The following CX3CR1 variants were observed in gnomAD, a reference collection of about 807,000 sequenced individuals.
The protein encoded by CX3CR1 is C-X3-C motif chemokine receptor 1.
For missense variants in CX3CR1, 363 were observed against 432.4 expected, an observed-to-expected ratio of 0.84 and a Z score of 1.42; for synonymous variants, 168 against 178.5, an observed-to-expected ratio of 0.94 and a Z score of 0.47.
At chr3:39,274,385 A>G (rs182269618) in intron 1 of CX3CR1, among the ~76,000 whole-genome samples, 1 of 151,542 alleles carries the variant, frequency 6.6e-6, no homozygotes, top group East Asian at 1.9e-4. Flanking sequence ...ATCTATTCCT[A>G]TAGCAATGAG....
At chr3:39,283,800 TA>T (rs1559371963), upstream of CX3CR1, among the ~76,000 whole-genome samples, 66 of 30,614 alleles carry the variant, frequency 2.2e-3, 1 homozygote, top group African/African-American at 9.0e-3. Context: ...AAAAATTATA[TA>T]TATATATATA....
intron 1 of CX3CR1, among the ~76,000 whole-genome samples, chr3:39,271,390 A>C (rs1210889177): frequency 6.6e-6 from 1 of 152,190 alleles, no homozygotes; most frequent in African/African-American, 2.4e-5. Flanking sequence ...TTAATAAATA[A>C]GTGAATGAAA....
At chr3:39,281,363 T>C, upstream of CX3CR1, 1 of 705,600 alleles carries the variant, frequency 1.4e-6, no homozygotes, top group South Asian at 2.2e-5. Context: ...TCCACTCAGC[T>C]GGGCTGGCTG....
chr3:39,267,872 G>C (rs1298344373), intron 1 of CX3CR1, among the ~76,000 whole-genome samples: 1 of 152,250 alleles, frequency 6.6e-6, no homozygotes, highest in Non-Finnish European at 1.5e-5. Context: ...TTCGCAGCCA[G>C]GACTTGCTGC....
upstream of CX3CR1, chr3:39,281,802 C>G (rs2040903350): frequency 3.6e-6 from 3 of 832,882 alleles, no homozygotes; most frequent in Non-Finnish European, 5.9e-6. Context: ...GTGGCAGGCT[C>G]TCTTCCCTTC....
the CX3CR1 span, among the ~76,000 whole-genome samples, chr3:39,289,079 G>C: frequency 3.3e-5 from 5 of 152,000 alleles, no homozygotes; most frequent in African/African-American, 1.2e-4. Flanking sequence ...ACTTGAACCC[G>C]GGAGGTGGAG....
At chr3:39,269,491 A>T (rs1194685732) in intron 1 of CX3CR1, among the ~76,000 whole-genome samples, 1 of 152,258 alleles carries the variant, frequency 6.6e-6, no homozygotes, top group Non-Finnish European at 1.5e-5. Context: ...GAAAATTCAC[A>T]TAAAGACTTT....
At chr3:39,285,917 A>G (rs1456345158), upstream of CX3CR1, 3 of 152,226 alleles carry the variant, frequency 2.0e-5, no homozygotes, top group African/African-American at 7.2e-5. Flanking sequence ...GGAAAATAAT[A>G]GTTGTCTCTC....
chr3:39,272,580 C>T (rs1035843303), intron 1 of CX3CR1, among the ~76,000 whole-genome samples: 2 of 152,176 alleles, frequency 1.3e-5, no homozygotes, highest in Non-Finnish European at 2.9e-5. Context: ...TGCTTTCTCC[C>T]TCTCTTTTGG....
chr3:39,275,572 T>C (rs1019529380), intron 1 of CX3CR1, among the ~76,000 whole-genome samples: 2 of 152,248 alleles, frequency 1.3e-5, no homozygotes, highest in African/African-American at 2.4e-5. Flanking sequence ...TTGTATCTAC[T>C]TGGCTATACA....
At chr3:39,282,792 G>A (rs2853707), upstream of CX3CR1, among the ~76,000 whole-genome samples, 119,142 of 152,188 alleles carry the variant, frequency 0.78, 46,811 homozygotes, top group East Asian at 0.93. Context: ...TACATAAGCA[G>A]TTGTGCAGCA....
At chr3:39,284,605 G>T (rs898075937), upstream of CX3CR1, among the ~76,000 whole-genome samples, 7 of 152,258 alleles carry the variant, frequency 4.6e-5, no homozygotes, top group Non-Finnish European at 1.0e-4. Context: ...CTGCATAAAA[G>T]GGAAGGAAAA....
chr3:39,288,401 G>T, the CX3CR1 span, among the ~76,000 whole-genome samples: 2,592 of 152,234 alleles, frequency 0.017, 68 homozygotes, highest in African/African-American at 0.059. Context: ...TAATGGTCTC[G>T]CTTTGGCTTC....
chr3:39,281,570 T>C (rs1180085402), upstream of CX3CR1: 1 of 1,566,132 alleles, frequency 6.4e-7, no homozygotes, highest in Admixed American at 1.7e-5. Context: ...CAAGCCCATC[T>C]AACCTTCTCC....
chr3:39,269,609 T>C (rs776198612), intron 1 of CX3CR1, among the ~76,000 whole-genome samples: 3 of 152,210 alleles, frequency 2.0e-5, no homozygotes, highest in East Asian at 1.9e-4. Flanking sequence ...GGTGATATTA[T>C]GTATTGAGAG....
chr3:39,292,653 A>C, the CX3CR1 span, among the ~76,000 whole-genome samples: 1 of 152,206 alleles, frequency 6.6e-6, no homozygotes, highest in Non-Finnish European at 1.5e-5. Flanking sequence ...ATTTTGTTTA[A>C]TCCTCCAGCA....
intron 1 of CX3CR1, among the ~76,000 whole-genome samples, chr3:39,269,020 C>T (rs921185806): frequency 6.6e-6 from 1 of 151,272 alleles, no homozygotes; most frequent in Non-Finnish European, 1.5e-5. Flanking sequence ...ATTTTTTTTT[C>T]CCCCTGAAAT....
intron 1 of CX3CR1, among the ~76,000 whole-genome samples, chr3:39,278,586 T>C (rs1340112795): frequency 7.9e-5 from 12 of 152,162 alleles, no homozygotes; most frequent in Non-Finnish European, 1.5e-4. Flanking sequence ...TCCTTTTTTT[T>C]TGGCTCAATT....
chr3:39,291,760 G>C, the CX3CR1 span, among the ~76,000 whole-genome samples: 1 of 152,226 alleles, frequency 6.6e-6, no homozygotes, highest in Admixed American at 6.5e-5. Context: ...GCCCAAGAAA[G>C]TTAGAGAAGT....
Sources: gnomAD v4.1 joint callset for allele counts (sites outside exome capture counted in the v4.1 genomes callset) on GRCh38, gnomAD v4.1.1 for gene constraint, MANE v1.5 for transcripts, NCBI Gene and HGNC (gene_info 2026-07-23, HGNC 2026-07-21) for gene names.